SPTB: variants seen among roughly 807,000 people sequenced by gnomAD.
The protein encoded by SPTB is spectrin beta chain, erythrocytic.
SPTB carries 45 observed loss-of-function variants against 256.2 expected under a neutral mutation model. The observed-to-expected ratio is 0.18, with a 90% confidence interval of 0.14 to 0.23. The LOEUF is 0.23. Ranked by LOEUF, SPTB falls within the 10% of genes least tolerant of loss-of-function variation. The pLI is 1.00. For synonymous variants in SPTB, 1,231 were observed against 1,243.1 expected (o/e 0.99, Z 0.21); for missense variants, 2,715 against 3,040.4 (o/e 0.89, Z 2.52).
Position 64,766,800 on chromosome 14 carries a change from G to T in SPTB, c.6271C>A (p.Pro2091Thr), listed in dbSNP as rs372733273. The change falls in exon 32 of 36, where the codon CCT becomes ACT. Residue 2091 changes from proline (P) to threonine (T), a missense_variant and splice_region_variant. Physicochemically the swap from Pro to Thr is conservative, Grantham distance 38. Coordinates refer to ENST00000644917, the MANE Select transcript of SPTB (RefSeq NM_001355436.2). ...GCTGTCTCGCCTTCCTCCTCTTGAGGCCTAAGGAAGACACAGTCTCTCTTT... is the reference window on the plus strand; with the variant it reads ...GCTGTCTCGCCTTCCTCCTCTTGAGTCCTAAGGAAGACACAGTCTCTCTTT... ...IAERPAEETG[P>T]QEEEGETAGE... The T allele has an allele frequency of 8.7e-6, 14 of 1,610,908 alleles. No homozygotes were observed. In the African/African-American group the frequency reaches 1.9e-4, roughly 22 times the overall value.
Position 64,796,587 on chromosome 14 carries a change from C to A in SPTB, c.1311G>T (p.Trp437Cys). 1 of 1,614,244 alleles carries A rather than the reference C, an allele frequency of 6.2e-7. No individual in the cohort carries two copies. The highest frequency in any genetic ancestry group is 8.5e-7 in the Non-Finnish European group (1 of 1,180,038). Residue 437 changes from tryptophan (W) to cysteine (C), a missense_variant, in exon 11 of 36, where the codon TGG becomes TGT. Coordinates refer to ENST00000644917, the MANE Select transcript of SPTB (RefSeq NM_001355436.2). The surrounding 1 kb of genome is among the most constrained non-coding windows in gnomAD (Gnocchi z 4.1). ...FDRKAAMRET[W>C]LSENQRLVAQ... ...CCACGAGGCGCTGGTTTTCACTGAG[C>A]CAGGTCTCTCTCATTGCGGCCTTCC...
rs571885975 is a variant in SPTB at position 64,764,775 on chromosome 14, C to T, written c.6345+1951G>A. Among the ~76,000 whole-genome samples, 5 of 152,292 alleles carry T rather than the reference C, an allele frequency of 3.3e-5. No individual in the cohort carries two copies. The highest frequency in any genetic ancestry group is 1.9e-4 in the East Asian group (1 of 5,168). Reference sequence around the variant, plus strand: ...AGGGTGCAGGGCCCTAGCCCGTGTCCGCAGTCTGTGCCGGCCCCCCAGAGT... The same window carrying T: ...AGGGTGCAGGGCCCTAGCCCGTGTCTGCAGTCTGTGCCGGCCCCCCAGAGT... On this transcript the variant is annotated intron_variant, in intron 32 of 35. Transcript: ENST00000644917. This position sits in a 1 kb window ranked among gnomAD's most constrained non-coding sequence, Gnocchi z 4.2.
intron 20 of SPTB, among the ~76,000 whole-genome samples, chr14:64,780,877 A>G (rs1052028663): frequency 6.6e-6 from 1 of 152,204 alleles, no homozygotes; most frequent in Non-Finnish European, 1.5e-5. Flanking sequence ...AAAAACCGGC[A>G]TATCAACCAA....
rs777273263 is a variant in SPTB, at chr14:64,797,758, C to A, written c.1153G>T (p.Asp385Tyr). The change falls in exon 10 of 36, where the codon GAT becomes TAT. Residue 385 changes from aspartate to tyrosine, a missense_variant. This residue lies in a region of SPTB where 416 missense variants were observed against 571.1 expected (regional missense o/e 0.73). Transcript: ENST00000644917. ...TTGATGTCAGACACTAGTTTCCCAT[C>A]GTGGGGTGTGTACACTTTCTGATTG... ...ANNQKVYTPHDGKLVSDINRA... is the reference protein window; with the variant it reads ...ANNQKVYTPHYGKLVSDINRA... 1 of 1,613,956 alleles carries A rather than the reference C, an allele frequency of 6.2e-7. No individual in the cohort carries two copies. The highest frequency in any genetic ancestry group is 1.3e-5 in the African/African-American group (1 of 75,038).
At position 64,753,736 on chromosome 14, in the gene SPTB, G is replaced by A. The variant is rs777203819; in HGVS notation, c.6403C>T (p.His2135Tyr). 3 of 1,613,810 alleles carry A rather than the reference G, an allele frequency of 1.9e-6. No individual in the cohort carries two copies. The highest frequency in any genetic ancestry group is 2.5e-6 in the Non-Finnish European group (3 of 1,180,018). Residue 2135 changes from histidine to tyrosine, a missense_variant, in exon 33 of 36, where the codon CAC becomes TAC. This residue lies in a region of SPTB where 2,239 missense variants were observed against 2,384.4 expected (regional missense o/e 0.94). Transcript: ENST00000644917. Reference sequence around the variant, plus strand: ...CCAGTGGATTTCTGCCCATCCTTGTGCTGACCCGGCGGTGGTGGCTGCTGC... The same window carrying A: ...CCAGTGGATTTCTGCCCATCCTTGTACTGACCCGGCGGTGGTGGCTGCTGC... ...NLQQPPPPGQHKDGQKSTGDE... is the reference protein window; with the variant it reads ...NLQQPPPPGQYKDGQKSTGDE...
rs781770174 is a variant in SPTB, at chr14:64,749,626, A to G, written c.6819+28T>C. The G allele has an allele frequency of 6.2e-7, 1 of 1,612,942 alleles. No homozygotes were observed. Among genetic ancestry groups the G allele is most frequent in the African/African-American group, 1.3e-5 (1 of 74,848 alleles). On this transcript the variant is annotated intron_variant, in intron 35 of 35. Coordinates refer to ENST00000644917, the MANE Select transcript of SPTB (RefSeq NM_001355436.2). The surrounding 1 kb of genome is among the most constrained non-coding windows in gnomAD (Gnocchi z 4.7). ...TCCTCCACCTACCCCCTTCTTAGCC[A>G]GGTCTGGGCTAGGCTGCCCGCGCTT...
At position 64,750,023 on chromosome 14, in the gene SPTB, A is replaced by G. The variant is rs150907858; in HGVS notation, c.6734T>C (p.Ile2245Thr). 68 of 1,614,042 alleles carry G rather than the reference A, an allele frequency of 4.2e-5. No individual in the cohort carries two copies. The highest frequency in any genetic ancestry group is 1.5e-4 in the Admixed American group (9 of 60,002). ...CTTCTTCTTCTTGTAGTTGGCAGCA[A>G]TCTCACAGATGGCATGTCTCAGGGC... ...PLALRHAICE[I>T]AANYKKKKHV... The change falls in exon 34 of 36, where the codon ATT becomes ACT. Residue 2245 changes from isoleucine to threonine, a missense_variant. Physicochemically the swap from Ile to Thr is moderately conservative, Grantham distance 89. This residue lies in a region of SPTB where 2,239 missense variants were observed against 2,384.4 expected (regional missense o/e 0.94). Transcript: ENST00000644917.
chr14:64,854,959 C>T (rs1254253767), intron 1 of SPTB, among the ~76,000 whole-genome samples: 1 of 152,214 alleles, frequency 6.6e-6, no homozygotes, highest in African/African-American at 2.4e-5. Flanking sequence ...TCCATGATCA[C>T]CCCTTTCAGG....
At chr14:64,803,004 C>T (rs557560614) in intron 4 of SPTB, among the ~76,000 whole-genome samples, 10 of 152,162 alleles carry the variant, frequency 6.6e-5, no homozygotes, top group Non-Finnish European at 1.3e-4. Flanking sequence ...ATGTTATGCA[C>T]CCATGGAGAG....
intron 24 of SPTB, among the ~76,000 whole-genome samples, 198 bp from the exon 25 acceptor site, chr14:64,773,622 A>G (rs910260364): frequency 2.0e-5 from 3 of 152,170 alleles, no homozygotes; most frequent in Non-Finnish European, 4.4e-5. Flanking sequence ...GGGATGACAC[A>G]CTGTGTCCTG....
At chr14:64,860,141 G>C (rs2083943224) in intron 1 of SPTB, among the ~76,000 whole-genome samples, 2 of 152,120 alleles carry the variant, frequency 1.3e-5, no homozygotes, top group African/African-American at 4.8e-5. Context: ...TCTTAGCAAA[G>C]AGTCCTCCTA....
intron 1 of SPTB, among the ~76,000 whole-genome samples, chr14:64,828,069 T>A (rs2083400594): frequency 1.3e-5 from 2 of 152,160 alleles, no homozygotes; most frequent in African/African-American, 4.8e-5. Context: ...GGACTATGGT[T>A]TGGGGTGCTT....
chr14:64,801,826 T>C lies in SPTB; in HGVS notation c.575A>G (p.His192Arg), dbSNP rs866674387. 1.2e-6 allele frequency: 2 copies of C among 1,614,044 alleles called. No homozygotes were observed. Among genetic ancestry groups the C allele is most frequent in the African/African-American group, 1.3e-5 (1 of 74,898 alleles). ...GGAGGTAAAGTTGGTGACATTAACA[T>C]GAGGGTAGCTGCATCCAAGAGAAAC... is the stretch of plus-strand genomic sequence containing the variant. ...WCQMKTAGYPHVNVTNFTSSW... is the reference protein window; with the variant it reads ...WCQMKTAGYPRVNVTNFTSSW... The change falls in exon 6 of 36, where the codon CAT becomes CGT. Residue 192 changes from histidine to arginine, a missense_variant. Around this residue, in one of 4 missense-constraint regions of SPTB, gnomAD observed 416 missense variants for 571.1 expected, o/e 0.73. Coordinates refer to ENST00000644917, the MANE Select transcript of SPTB (RefSeq NM_001355436.2).
chr14:64,788,656 A>G (rs1269656792), intron 15 of SPTB, among the ~76,000 whole-genome samples: 1 of 152,196 alleles, frequency 6.6e-6, no homozygotes, highest in African/African-American at 2.4e-5. Context: ...AAGAGGCCCC[A>G]TAGTGATTTT....
intron 1 of SPTB, among the ~76,000 whole-genome samples, chr14:64,838,767 C>T (rs770044168): frequency 2.0e-5 from 3 of 151,988 alleles, no homozygotes; most frequent in Non-Finnish European, 4.4e-5. Context: ...CCATATTTAC[C>T]ATATGACTCA....
chr14:64,766,953 G>T, intron 31 of SPTB, 152 bp from the exon 32 acceptor site: 1 of 1,031,472 alleles, frequency 9.7e-7, no homozygotes, highest in Non-Finnish European at 1.5e-6. Context: ...TTGGCAAGGA[G>T]CCGCCCAGCG....
Position 64,803,709 on chromosome 14 carries a change from C to G in SPTB, c.372G>C (p.Lys124Asn). 1 of 1,614,172 alleles carries G rather than the reference C, an allele frequency of 6.2e-7. No individual in the cohort carries two copies. Among genetic ancestry groups the G allele is most frequent in the Non-Finnish European group, 8.5e-7 (1 of 1,180,012 alleles). ...ENVDKALQFL[K>N]EQRVHLENMG... is the part of the protein sequence containing the mutation. ...TGTTCTCCAGGTGTACACGCTGCTCCTTGAGGAACTGGAGAGCCTTGTCCA... is the reference window on the plus strand; with the variant it reads ...TGTTCTCCAGGTGTACACGCTGCTCGTTGAGGAACTGGAGAGCCTTGTCCA... Residue 124 changes from lysine to asparagine, a missense_variant, in exon 4 of 36, where the codon AAG (lysine) becomes AAC (asparagine). Coordinates refer to ENST00000644917, the MANE Select transcript of SPTB (RefSeq NM_001355436.2).
chr14:64,803,140 C>T (rs1159188333), intron 4 of SPTB, among the ~76,000 whole-genome samples: 2 of 152,162 alleles, frequency 1.3e-5, no homozygotes, highest in African/African-American at 4.8e-5. Flanking sequence ...AGGTGCAAGA[C>T]CCTGTTTTCC....
chr14:64,795,409 G>A lies in SPTB; in HGVS notation c.1572C>T (p.Leu524=), dbSNP rs149192360. 83 of 1,613,992 alleles carry A rather than the reference G, an allele frequency of 5.1e-5. No individual in the cohort carries two copies. Among genetic ancestry groups the A allele is most frequent in the African/African-American group, 3.7e-4 (28 of 74,918 alleles). The part of the protein sequence containing the change: ...QELLQSRRQR[L]ETTLALQKLF... ...GCTTCTGCAGTGCCAGGGTGGTCTC[G>A]AGCCTCTGGCGCCGGGACTGCAGCA... The change falls in exon 12 of 36, where the codon CTC becomes CTT. Residue 524 remains leucine, a synonymous_variant. Coordinates refer to ENST00000644917, the MANE Select transcript of SPTB (RefSeq NM_001355436.2). This position sits in a 1 kb window ranked among gnomAD's most constrained non-coding sequence, Gnocchi z 6.5.
Sources: gnomAD v4.1 joint callset for allele counts (sites outside exome capture counted in the v4.1 genomes callset) on GRCh38, gnomAD v4.1.1 for gene constraint, gnomAD v4.1.1 regional missense constraint, Gnocchi (gnomAD v3.1) non-coding constraint, MANE v1.5 for transcripts, NCBI Gene and HGNC (gene_info 2026-07-23, HGNC 2026-07-21) for gene names.